Variants in CSMD1 observed in about 807,000 individuals in gnomAD.
CSMD1 encodes the protein CUB and sushi domain-containing protein 1.
Under a neutral mutation model 417.5 loss-of-function variants are expected in CSMD1, and 213 were observed. The ratio of observed to expected loss-of-function variants is 0.51; its 90% confidence interval spans 0.46 to 0.57. CSMD1 has a LOEUF of 0.57. Among genes scored for constraint, CSMD1 ranks in the 20% least tolerant of loss-of-function variants. The pLI is 0.00. For missense variants in CSMD1, 6,923 were observed against 4,529.7 expected, an observed-to-expected ratio of 1.53 and a Z score of -15.17; for synonymous variants, 2,862 against 1,736.8, an observed-to-expected ratio of 1.65 and a Z score of -16.11.
intron 26 of CSMD1, among the ~76,000 whole-genome samples, chr8:3,275,895 T>C (rs1802252448): frequency 6.6e-6 from 1 of 152,108 alleles, no homozygotes; most frequent in East Asian, 1.9e-4. Context: ...TAGCTCAGAG[T>C]AATTTGATTG....
intron 5 of CSMD1, among the ~76,000 whole-genome samples, chr8:3,869,702 A>T (rs1805350244): frequency 6.6e-6 from 1 of 152,120 alleles, no homozygotes; most frequent in Non-Finnish European, 1.5e-5. Flanking sequence ...AGCCAGGAGC[A>T]TGTGGGGAAG....
intron 1 of CSMD1, among the ~76,000 whole-genome samples, chr8:4,839,653 A>G (rs1255609638): frequency 6.6e-6 from 1 of 152,194 alleles, no homozygotes; most frequent in African/African-American, 2.4e-5. Context: ...ATGGTTGGGC[A>G]TGAAACTAAG....
chr8:3,180,850 G>C (rs553978882), intron 37 of CSMD1, among the ~76,000 whole-genome samples: 2 of 151,930 alleles, frequency 1.3e-5, no homozygotes, highest in Admixed American at 6.6e-5. Flanking sequence ...CTCCGTGTTG[G>C]ACAGCCTGGT....
chr8:4,992,299 C>A (rs550260208), intron 1 of CSMD1, among the ~76,000 whole-genome samples: 3 of 152,356 alleles, frequency 2.0e-5, no homozygotes, highest in African/African-American at 7.2e-5. Context: ...CCGGCACACA[C>A]GTGTGCGGAT....
intron 40 of CSMD1, among the ~76,000 whole-genome samples, chr8:3,148,156 G>T (rs117993265): frequency 2.6e-5 from 4 of 152,158 alleles, no homozygotes; most frequent in African/African-American, 4.8e-5. Flanking sequence ...GAAGCAACAT[G>T]AGAGATCAAA....
intron 3 of CSMD1, among the ~76,000 whole-genome samples, chr8:4,209,681 G>T (rs1377057049): frequency 1.3e-5 from 2 of 152,160 alleles, no homozygotes; most frequent in East Asian, 1.9e-4. Context: ...GAAATCAAGG[G>T]CAAGCCAGTG....
chr8:3,581,564 A>G (rs139437555), intron 9 of CSMD1, among the ~76,000 whole-genome samples: 1 of 152,170 alleles, frequency 6.6e-6, no homozygotes, highest in Non-Finnish European at 1.5e-5. Flanking sequence ...AGGCATGATC[A>G]TTACTTCAGA....
chr8:4,873,628 T>C (rs532637078), intron 1 of CSMD1, among the ~76,000 whole-genome samples: 34 of 152,248 alleles, frequency 2.2e-4, no homozygotes, highest in African/African-American at 7.0e-4. Context: ...AATCGATCAA[T>C]GTTCATTCCT....
chr8:4,202,961 G>A (rs916082704), intron 3 of CSMD1, among the ~76,000 whole-genome samples: 1 of 152,096 alleles, frequency 6.6e-6, no homozygotes, highest in African/African-American at 2.4e-5. Context: ...GTTGTGGGAG[G>A]AGAACGATTA....
In CSMD1 at chr8:3,396,388, A is replaced by G; in HGVS notation, c.2406-7T>C. The stretch of plus-strand genomic sequence containing the variant: ...ATTGACCTCTGTCTGAAATCTGCAA[A>G]TATATACATCCCATCAGAAAAGACA... On this transcript the variant is annotated splice_region_variant and splice_polypyrimidine_tract_variant and intron_variant, in intron 16 of 69. Transcript: ENST00000635120. 6.4e-7 allele frequency: 1 copy of G among 1,560,830 alleles called. No homozygotes were observed. The highest frequency in any genetic ancestry group is 1.2e-5 in the South Asian group (1 of 81,132).
intron 1 of CSMD1, among the ~76,000 whole-genome samples, chr8:4,920,909 A>AG (rs71209135): frequency 1.4e-4 from 8 of 57,328 alleles, no homozygotes; most frequent in African/African-American, 3.4e-4. Context: ...AAGAAAAGAA[A>AG]AGAAAAGAAA....
chr8:4,203,022 T>G (rs1264955995), intron 3 of CSMD1, among the ~76,000 whole-genome samples: 5 of 152,204 alleles, frequency 3.3e-5, no homozygotes, highest in Admixed American at 3.3e-4. Flanking sequence ...TGACTATGTT[T>G]CCTTACCTGC....
intron 5 of CSMD1, among the ~76,000 whole-genome samples, chr8:3,974,189 G>C (rs992186155): frequency 1.8e-4 from 27 of 152,078 alleles, no homozygotes; most frequent in African/African-American, 6.3e-4. Flanking sequence ...CAGTTTATTA[G>C]CTGAAAGATC....
chr8:4,124,876 A>G (rs887937153), intron 3 of CSMD1, among the ~76,000 whole-genome samples: 1 of 152,134 alleles, frequency 6.6e-6, no homozygotes, highest in Non-Finnish European at 1.5e-5. Flanking sequence ...GGACAGAAAA[A>G]GGAAAAGCGG....
intron 2 of CSMD1, among the ~76,000 whole-genome samples, chr8:4,456,286 G>A (rs1045562032): frequency 6.6e-6 from 1 of 152,054 alleles, no homozygotes; most frequent in Non-Finnish European, 1.5e-5. Flanking sequence ...AGATCTAAAA[G>A]CTGAAGACAA....
chr8:4,284,890 TCTC>T (rs1457741133), intron 3 of CSMD1, among the ~76,000 whole-genome samples: 2 of 152,148 alleles, frequency 1.3e-5, no homozygotes, highest in African/African-American at 2.4e-5. Flanking sequence ...CACTTTTCTG[TCTC>T]CTCCTTTCCT....
intron 2 of CSMD1, among the ~76,000 whole-genome samples, chr8:4,560,721 T>A (rs936900813): frequency 2.8e-4 from 42 of 152,290 alleles, no homozygotes; most frequent in African/African-American, 9.9e-4. Flanking sequence ...ACACTGTGGT[T>A]TGAGACTCTT....
At chr8:3,384,387 G>A (rs1318924750) in intron 18 of CSMD1, among the ~76,000 whole-genome samples, 3 of 151,632 alleles carry the variant, frequency 2.0e-5, no homozygotes, top group African/African-American at 7.3e-5. Flanking sequence ...CTACAAAATG[G>A]AATAATTATA....
chr8:4,769,360 T>G (rs140993975), intron 1 of CSMD1, among the ~76,000 whole-genome samples: 1 of 152,218 alleles, frequency 6.6e-6, no homozygotes, highest in African/African-American at 2.4e-5. Context: ...ATGGGTTTTA[T>G]TCAATGAGGG....
Sources: gnomAD v4.1 joint callset for allele counts (sites outside exome capture counted in the v4.1 genomes callset) on GRCh38, gnomAD v4.1.1 for gene constraint, MANE v1.5 for transcripts, NCBI Gene and HGNC (gene_info 2026-07-23, HGNC 2026-07-21) for gene names.